ASTN2: variants seen among roughly 807,000 people sequenced by gnomAD.
ASTN2 encodes astrotactin 2.
In ASTN2, 54 loss-of-function variants were observed where a neutral mutation model predicts 139.8. The ratio of observed to expected loss-of-function variants is 0.39; its 90% CI spans 0.31 to 0.48. The LOEUF (loss-of-function observed/expected upper bound fraction) is 0.48, where lower values mean the gene tolerates loss of function less well. ASTN2 is among the 20% of genes least tolerant of loss of function. ASTN2 has a pLI of 0.95. For synonymous variants in ASTN2, 756 were observed against 719.5 expected (o/e 1.05, Z -0.81); for missense variants, 1,565 against 1,725.1 (o/e 0.91, Z 1.64).
intron 19 of ASTN2, among the ~76,000 whole-genome samples, chr9:116,615,821 A>G (rs1855821996): frequency 6.6e-6 from 1 of 151,964 alleles, no homozygotes; most frequent in South Asian, 2.1e-4. Context: ...ACATGTATAC[A>G]TATGTAAAAA....
At chr9:117,064,795 T>C (rs973672755) in intron 5 of ASTN2, among the ~76,000 whole-genome samples, 9 of 128,220 alleles carry the variant, frequency 7.0e-5, no homozygotes, top group Admixed American at 6.8e-4. Context: ...TAGATCTATA[T>C]ACTTAAAAAA....
At chr9:117,270,936 G>A (rs1834048553) in intron 2 of ASTN2, among the ~76,000 whole-genome samples, 1 of 152,158 alleles carries the variant, frequency 6.6e-6, no homozygotes, top group Admixed American at 6.6e-5. Context: ...GAAAATCCTT[G>A]TTTTCTAAGA....
rs74921389 is a variant in ASTN2, at chr9:117,089,520, TC to T, written c.1276+6523del. On this transcript the variant is annotated intron_variant, in intron 5 of 22. Transcript: ENST00000313400. ...CTTTTATTTATTTTTTGTGTTTTTT[TC>T]CCCATTCTTTATTATTTTTTTTCAT... Among the ~76,000 whole-genome samples, 90 of 152,246 alleles carry T rather than the reference TC, an allele frequency of 5.9e-4. 1 individual carries two copies. In the South Asian group the frequency reaches 0.015, roughly 25 times the overall value.
At chr9:117,166,573 C>G (rs1052221111) in intron 3 of ASTN2, among the ~76,000 whole-genome samples, 3 of 152,088 alleles carry the variant, frequency 2.0e-5, no homozygotes, top group Non-Finnish European at 4.4e-5. Context: ...TAACGTCTCA[C>G]AGCTCCTTCA....
At chr9:116,471,498 C>A (rs1369069246) in intron 20 of ASTN2, among the ~76,000 whole-genome samples, 4 of 152,052 alleles carry the variant, frequency 2.6e-5, no homozygotes, top group Non-Finnish European at 4.4e-5. Context: ...AGCCAGGGGT[C>A]TTTGGGAAGG....
intron 6 of ASTN2, among the ~76,000 whole-genome samples, chr9:117,016,049 C>T (rs1052620526): frequency 6.6e-6 from 1 of 152,094 alleles, no homozygotes; most frequent in African/African-American, 2.4e-5. Context: ...TGTTTATATA[C>T]TATGCTTTCA....
chr9:116,939,511 C>T (rs988085872), intron 10 of ASTN2, among the ~76,000 whole-genome samples: 7 of 152,112 alleles, frequency 4.6e-5, no homozygotes, highest in African/African-American at 1.7e-4. Flanking sequence ...TTCGTGTCTA[C>T]CAAAGGGCTC....
At chr9:116,792,036 T>C (rs1032570268) in intron 13 of ASTN2, among the ~76,000 whole-genome samples, 6 of 152,150 alleles carry the variant, frequency 3.9e-5, no homozygotes, top group African/African-American at 1.2e-4. Flanking sequence ...AGGTTTGGTA[T>C]ATTTAGAGAT....
chr9:117,184,261 A>G (rs1831144296), intron 3 of ASTN2, among the ~76,000 whole-genome samples: 1 of 152,198 alleles, frequency 6.6e-6, no homozygotes, highest in South Asian at 2.1e-4. Context: ...AGCCGGGGGT[A>G]TAGCAAGCAG....
In ASTN2 at chr9:116,423,138, T is replaced by G. The variant is rs2118783843; in HGVS notation, c.*2713A>C. On this transcript the variant is annotated 3_prime_UTR_variant, in exon 23 of 23. Transcript: ENST00000313400. Reference sequence around the variant, plus strand: ...GAAAATCATTAATTCTTTCTTTTAATCAGAATTCTCTAGGTCTTTCCCAAC... The same window carrying G: ...GAAAATCATTAATTCTTTCTTTTAAGCAGAATTCTCTAGGTCTTTCCCAAC... 6.6e-6 allele frequency among the ~76,000 whole-genome samples: 1 copy of G among 152,290 alleles called. No homozygotes were observed. Among genetic ancestry groups the G allele is most frequent in the South Asian group, 2.1e-4 (1 of 4,822 alleles).
chr9:116,972,240 T>C (rs1836230242), intron 10 of ASTN2, among the ~76,000 whole-genome samples: 2 of 152,198 alleles, frequency 1.3e-5, no homozygotes, highest in Admixed American at 1.3e-4. Flanking sequence ...ACATATGATA[T>C]TATTTTGTGT....
chr9:116,775,778 G>A (rs1830072320), intron 13 of ASTN2, among the ~76,000 whole-genome samples: 1 of 146,866 alleles, frequency 6.8e-6, no homozygotes, highest in Non-Finnish European at 1.5e-5. Flanking sequence ...AAGGGGGAAG[G>A]AGGGAAGGAG....
intron 2 of ASTN2, among the ~76,000 whole-genome samples, chr9:117,217,049 G>T (rs890729094): frequency 2.7e-4 from 41 of 152,150 alleles, no homozygotes; most frequent in Non-Finnish European, 2.9e-5. Flanking sequence ...GTGGAGCTGT[G>T]ACTGGGCCCC....
chr9:116,482,783 T>C (rs151272692), intron 20 of ASTN2, among the ~76,000 whole-genome samples: 1 of 152,320 alleles, frequency 6.6e-6, no homozygotes, highest in African/African-American at 2.4e-5. Flanking sequence ...ACCATGGATG[T>C]TGGCACTTGG....
intron 1 of ASTN2, among the ~76,000 whole-genome samples, chr9:117,353,625 T>TG (rs1371347682): frequency 1.3e-5 from 2 of 152,110 alleles, no homozygotes; most frequent in Non-Finnish European, 2.9e-5. Flanking sequence ...GTGGCCCCAA[T>TG]GTTCCAACAA....
chr9:116,602,665 A>G (rs7865895), intron 19 of ASTN2, among the ~76,000 whole-genome samples: 6,486 of 152,282 alleles, frequency 0.043, 487 homozygotes, highest in African/African-American at 0.15. Context: ...GTGGTGGCTC[A>G]CATTTGTAAT....
At chr9:116,491,793 T>A (rs545589581) in intron 19 of ASTN2, among the ~76,000 whole-genome samples, 163 of 152,316 alleles carry the variant, frequency 1.1e-3, no homozygotes, top group African/African-American at 3.8e-3. Flanking sequence ...TTCCACAATA[T>A]AACATACTCT....
intron 19 of ASTN2, among the ~76,000 whole-genome samples, chr9:116,491,672 GAAGT>G (rs1445686320): frequency 1.3e-5 from 2 of 152,218 alleles, no homozygotes; most frequent in African/African-American, 4.8e-5. Context: ...ACAGGTGAAT[GAAGT>G]AATCCCCCAG....
chr9:117,233,365 C>G (rs73517209), intron 2 of ASTN2, among the ~76,000 whole-genome samples: 2,097 of 152,298 alleles, frequency 0.014, 43 homozygotes, highest in African/African-American at 0.048. Flanking sequence ...CTCAATACCC[C>G]CTTAGCCTGA....
Sources: gnomAD v4.1 joint callset for allele counts (sites outside exome capture counted in the v4.1 genomes callset) on GRCh38, gnomAD v4.1.1 for gene constraint, MANE v1.5 for transcripts, NCBI Gene and HGNC (gene_info 2026-07-23, HGNC 2026-07-21) for gene names.